SDHA: variants seen among roughly 807,000 people sequenced by gnomAD.
SDHA encodes succinate dehydrogenase [ubiquinone] flavoprotein subunit, mitochondrial.
A neutral mutation model predicts 78.4 loss-of-function variants in SDHA; 48 were observed. That is an observed-to-expected ratio of 0.61 (90% CI 0.49 to 0.78). The LOEUF (loss-of-function observed/expected upper bound fraction) is 0.78. SDHA is among the 30% of genes least tolerant of loss of function. The pLI is 0.00. For missense variants in SDHA, 680 were observed against 892.7 expected (o/e 0.76, Z 3.04); for synonymous variants, 326 against 353.9 (o/e 0.92, Z 0.88).
In SDHA at chr5:251,142, T is replaced by G. The variant is rs1180483361; in HGVS notation, c.1663+39T>G. The G allele has an allele frequency of 3.2e-6, 5 of 1,584,954 alleles. No individual in the cohort carries two copies. The African/African-American group carries it at 4.0e-5, about 13-fold the overall frequency. The stretch of plus-strand genomic sequence containing the variant: ...GGGCTCTGTGCACACTGTTGGGCCC[T>G]TCCTTCTGCAGGGTGGGCTGGTGTC... On this transcript the variant is annotated intron_variant, in intron 12 of 14. Transcript: ENST00000264932.
intron 7 of SDHA, among the ~76,000 whole-genome samples, chr5:232,160 CT>C (rs1735446149): frequency 6.6e-6 from 1 of 152,132 alleles, no homozygotes; most frequent in African/African-American, 2.4e-5. Context: ...TCAGTGTCAG[CT>C]TTCTGATCCC....
At chr5:264,403 T>C in the SDHA span, among the ~76,000 whole-genome samples, 1 of 151,846 alleles carries the variant, frequency 6.6e-6, no homozygotes, top group Non-Finnish European at 1.5e-5. Flanking sequence ...AGGAAAGAGG[T>C]GAGGGCACAG....
chr5:257,721 G>A (rs1400759834), downstream of SDHA, among the ~76,000 whole-genome samples: 1 of 114,710 alleles, frequency 8.7e-6, no homozygotes, highest in African/African-American at 5.0e-5. Flanking sequence ...CAGCATTACC[G>A]TGTGAGCTCC....
the SDHA span, among the ~76,000 whole-genome samples, chr5:266,638 G>A: frequency 6.6e-6 from 1 of 152,266 alleles, no homozygotes; most frequent in African/African-American, 2.4e-5. Context: ...AAAATAATTG[G>A]GTCAATATAA....
At chr5:246,175 G>T (rs1232609005) in intron 11 of SDHA, among the ~76,000 whole-genome samples, 2 of 151,974 alleles carry the variant, frequency 1.3e-5, no homozygotes, top group African/African-American at 4.8e-5. Flanking sequence ...GACTCAAGCT[G>T]CAGCCGATCG....
chr5:255,079 C>G (rs990914574), intron 14 of SDHA, among the ~76,000 whole-genome samples: 11 of 111,234 alleles, frequency 9.9e-5, no homozygotes, highest in African/African-American at 6.0e-4. Flanking sequence ...GGTAGGGGGT[C>G]GCAGCCTTTT....
chr5:221,072 C>T (rs1416241299), intron 1 of SDHA, among the ~76,000 whole-genome samples: 3 of 152,090 alleles, frequency 2.0e-5, no homozygotes, highest in African/African-American at 7.2e-5. Context: ...CTCGGTCTCC[C>T]AAAGGGCTGG....
At chr5:236,323 C>A (rs1324116130) in intron 9 of SDHA, 105 bp from the exon 10 acceptor site, 4 of 1,217,122 alleles carry the variant, frequency 3.3e-6, no homozygotes, top group East Asian at 2.3e-5. Flanking sequence ...CACGCCTGGC[C>A]TACTTCCCTC....
At chr5:244,620 G>A (rs1736338802) in intron 11 of SDHA, among the ~76,000 whole-genome samples, 1 of 152,220 alleles carries the variant, frequency 6.6e-6, no homozygotes, top group African/African-American at 2.4e-5. Flanking sequence ...GGTAGATGCA[G>A]GAGCGGACAT....
At chr5:252,489 T>G (rs1736904124) in intron 13 of SDHA, among the ~76,000 whole-genome samples, 1 of 149,566 alleles carries the variant, frequency 6.7e-6, no homozygotes, top group South Asian at 2.2e-4. Flanking sequence ...ATTTCAAACC[T>G]GCCCTGTGGA....
chr5:241,573 G>A (rs1314059904), intron 11 of SDHA, among the ~76,000 whole-genome samples: 2 of 152,172 alleles, frequency 1.3e-5, no homozygotes, highest in Non-Finnish European at 2.9e-5. Flanking sequence ...ATGGGGCCGT[G>A]GAGAACCTGA....
chr5:224,567 G>A (rs765674382), intron 3 of SDHA, 46 bp downstream of exon 3: 24 of 1,600,594 alleles, frequency 1.5e-5, no homozygotes, highest in African/African-American at 1.2e-4. Context: ...TGCAGGTCCC[G>A]CGCAGCCTCG....
At chr5:234,782 T>C (rs2126582950) in intron 8 of SDHA, 1 of 326,316 alleles carries the variant, frequency 3.1e-6, no homozygotes, top group Non-Finnish European at 5.9e-6. Context: ...CGGATTTTGG[T>C]ATCCGTGGGG....
At chr5:229,758 G>T (rs1380846004) in intron 6 of SDHA, among the ~76,000 whole-genome samples, 1 of 149,218 alleles carries the variant, frequency 6.7e-6, no homozygotes, top group African/African-American at 2.6e-5. Flanking sequence ...TATACAGCAT[G>T]GTGGTTAGAG....
chr5:233,655 A>T lies in SDHA; in HGVS notation c.1064+10A>T. ...AGATCCGAGAAGGAAGGTGCGTGTG[A>T]TTTACCACCAGCACTGTCTGAGCGG... On this transcript the variant is annotated intron_variant, in intron 8 of 14. Coordinates refer to ENST00000264932, the MANE Select transcript of SDHA (RefSeq NM_004168.4). The T allele has an allele frequency of 1.2e-6, 2 of 1,613,658 alleles. No homozygotes were observed. Among genetic ancestry groups the T allele is most frequent in the Non-Finnish European group, 1.7e-6 (2 of 1,179,660 alleles).
intron 2 of SDHA, among the ~76,000 whole-genome samples, chr5:224,023 T>A (rs147364946): frequency 2.0e-5 from 3 of 152,264 alleles, no homozygotes; most frequent in Admixed American, 2.0e-4. Flanking sequence ...TGCTGAGAAG[T>A]TGTTTTCTTA....
At chr5:257,145 G>A (rs905428089), downstream of SDHA, among the ~76,000 whole-genome samples, 5 of 152,178 alleles carry the variant, frequency 3.3e-5, no homozygotes, top group Admixed American at 6.5e-5. Flanking sequence ...AGAACGAATG[G>A]AGAAAACTAA....
intron 6 of SDHA, among the ~76,000 whole-genome samples, chr5:230,493 G>A (rs1292127711): frequency 6.6e-6 from 1 of 152,086 alleles, no homozygotes; most frequent in Non-Finnish European, 1.5e-5. Context: ...TGGGCGTGGT[G>A]GTGCACACTG....
At chr5:258,224 A>C (rs1355539109), downstream of SDHA, among the ~76,000 whole-genome samples, 1 of 115,282 alleles carries the variant, frequency 8.7e-6, no homozygotes, top group Non-Finnish European at 1.6e-5. Flanking sequence ...CATTACCGTG[A>C]GCTCCGCCCC....
Sources: gnomAD v4.1 joint callset for allele counts (sites outside exome capture counted in the v4.1 genomes callset) on GRCh38, gnomAD v4.1.1 for gene constraint, MANE v1.5 for transcripts, NCBI Gene and HGNC (gene_info 2026-07-23, HGNC 2026-07-21) for gene names.